CNTN5: variants seen among roughly 807,000 people sequenced by gnomAD.
CNTN5 encodes contactin 5, also known as contactin-5.
In CNTN5, 77 loss-of-function variants were observed where a neutral mutation model predicts 129.1. That is an observed-to-expected ratio of 0.60 (90% confidence interval 0.50 to 0.72). The LOEUF (loss-of-function observed/expected upper bound fraction) is 0.72. Among genes scored for constraint, CNTN5 ranks in the 30% least tolerant of loss-of-function variants. CNTN5 has a pLI of 0.00. For missense variants in CNTN5, 1,478 were observed against 1,328.8 expected (o/e 1.11, Z -1.75); for synonymous variants, 509 against 465.6 (o/e 1.09, Z -1.20).
At chr11:100,309,118 T>C (rs1185834183) in intron 21 of CNTN5, 1 of 984,998 alleles carries the variant, frequency 1.0e-6, no homozygotes, top group Admixed American at 6.2e-5. Flanking sequence ...TTCTTGTTCT[T>C]GCCTTGCTTG....
chr11:100,044,167 C>CACGTATATATATAT (rs1942533111), intron 9 of CNTN5, among the ~76,000 whole-genome samples: 1 of 44,282 alleles, frequency 2.3e-5, no homozygotes, highest in East Asian at 6.4e-4. Context: ...TATTACATAT[C>CACGTATATATATAT]ATGTATATAT....
intron 6 of CNTN5, among the ~76,000 whole-genome samples, chr11:99,850,646 G>A (rs1947844588): frequency 1.3e-5 from 2 of 151,812 alleles, no homozygotes; most frequent in Admixed American, 6.6e-5. Context: ...TAAGATATAT[G>A]CTCAAGATAC....
At chr11:99,916,536 A>G (rs1461002130) in intron 7 of CNTN5, among the ~76,000 whole-genome samples, 2 of 152,138 alleles carry the variant, frequency 1.3e-5, no homozygotes, top group African/African-American at 2.4e-5. Flanking sequence ...GATAAACTGG[A>G]TACTTAGTTG....
intron 15 of CNTN5, among the ~76,000 whole-genome samples, chr11:100,196,577 T>A (rs1948644336): frequency 1.3e-5 from 2 of 152,024 alleles, no homozygotes; most frequent in Non-Finnish European, 2.9e-5. Context: ...TGCATAAACA[T>A]ATGATCACAT....
chr11:99,535,298 C>G (rs1214735841), intron 2 of CNTN5, among the ~76,000 whole-genome samples: 1 of 152,058 alleles, frequency 6.6e-6, no homozygotes, highest in South Asian at 2.1e-4. Context: ...TGGACTAATA[C>G]ATGGAAAATT....
chr11:99,712,905 G>A (rs1955054679), intron 3 of CNTN5, among the ~76,000 whole-genome samples: 1 of 152,090 alleles, frequency 6.6e-6, no homozygotes, highest in Non-Finnish European at 1.5e-5. Context: ...TTTGAAGTAA[G>A]GTAGAGTGAT....
intron 2 of CNTN5, among the ~76,000 whole-genome samples, chr11:99,379,973 A>G (rs1940431638): frequency 6.6e-6 from 1 of 152,048 alleles, no homozygotes; most frequent in Non-Finnish European, 1.5e-5. Flanking sequence ...TCATATATAC[A>G]CATATAATGT....
rs556264671 is a variant in CNTN5, at chr11:99,210,377, T to C, written c.-209-114969T>C. Among the ~76,000 whole-genome samples the C allele has an allele frequency of 3.3e-3, 503 of 152,190 alleles. 2 individuals carry two copies. The highest frequency in any genetic ancestry group is 5.4e-3 in the Admixed American group (83 of 15,256). On this transcript the variant is annotated intron_variant, in intron 1 of 24. Coordinates refer to ENST00000524871, the MANE Select transcript of CNTN5 (RefSeq NM_014361.4). ...GAGATATGGAAACTGATTTTAGAGG[T>C]CATTTAGTTGGGGAAAGAAAATGTA...
intron 6 of CNTN5, among the ~76,000 whole-genome samples, chr11:99,853,380 A>G (rs190429278): frequency 4.6e-5 from 7 of 151,122 alleles, no homozygotes; most frequent in Admixed American, 3.3e-4. Flanking sequence ...TGTAATATAT[A>G]TACGTATATA....
chr11:99,315,794 T>C (rs949825147), intron 1 of CNTN5, among the ~76,000 whole-genome samples: 1 of 148,824 alleles, frequency 6.7e-6, no homozygotes, highest in African/African-American at 2.4e-5. Flanking sequence ...TACACAGGGA[T>C]TGAATATATA....
intron 13 of CNTN5, among the ~76,000 whole-genome samples, chr11:100,128,828 A>T (rs183864401): frequency 2.1e-4 from 32 of 152,002 alleles, no homozygotes; most frequent in Admixed American, 1.2e-3. Flanking sequence ...CCCTAAGCCA[A>T]CTTCTACCTG....
chr11:99,766,737 A>AT (rs747060201), intron 3 of CNTN5, among the ~76,000 whole-genome samples: 12 of 152,034 alleles, frequency 7.9e-5, no homozygotes, highest in Non-Finnish European at 1.2e-4. Flanking sequence ...TTTAAAGCAG[A>AT]TTTTTTATGC....
intron 3 of CNTN5, among the ~76,000 whole-genome samples, chr11:99,569,225 A>G (rs2135572016): frequency 6.6e-6 from 1 of 152,276 alleles, no homozygotes; most frequent in African/African-American, 2.4e-5. Context: ...TATCTGTTCT[A>G]TTTGCTGTTT....
chr11:99,700,215 C>G (rs1954458930), intron 3 of CNTN5, among the ~76,000 whole-genome samples: 1 of 151,314 alleles, frequency 6.6e-6, no homozygotes, highest in Middle Eastern at 3.2e-3. Flanking sequence ...TTCTTTGGGA[C>G]TGAATGTTAA....
At chr11:99,785,603 A>T (rs1262966490) in intron 3 of CNTN5, among the ~76,000 whole-genome samples, 3 of 152,136 alleles carry the variant, frequency 2.0e-5, no homozygotes, top group Non-Finnish European at 1.5e-5. Context: ...CAATAAAATC[A>T]CTAGCAAACT....
At chr11:99,864,193 T>C (rs190672868) in intron 6 of CNTN5, among the ~76,000 whole-genome samples, 93 of 152,280 alleles carry the variant, frequency 6.1e-4, no homozygotes, top group African/African-American at 1.9e-3. Flanking sequence ...ACTTATATAC[T>C]TGTTTTTTTG....
chr11:99,433,837 C>T (rs916759457), intron 2 of CNTN5, among the ~76,000 whole-genome samples: 3 of 152,114 alleles, frequency 2.0e-5, no homozygotes, highest in Admixed American at 6.6e-5. Context: ...AAAATTTAAA[C>T]AGTGATTATA....
At chr11:100,201,586 C>T (rs926882133) in intron 15 of CNTN5, among the ~76,000 whole-genome samples, 3 of 151,914 alleles carry the variant, frequency 2.0e-5, no homozygotes, top group Non-Finnish European at 4.4e-5. Context: ...CTGCTGTTCA[C>T]ATCTTGATAA....
At chr11:99,644,720 G>A (rs1243235909) in intron 3 of CNTN5, among the ~76,000 whole-genome samples, 2 of 152,222 alleles carry the variant, frequency 1.3e-5, no homozygotes, top group African/African-American at 4.8e-5. Flanking sequence ...ACTGAGCAAA[G>A]CACTACAAGT....
Sources: allele counts gnomAD v4.1 joint callset (sites outside exome capture counted in the v4.1 genomes callset), GRCh38; gene constraint gnomAD v4.1.1; transcripts MANE v1.5; gene names NCBI Gene and HGNC (gene_info 2026-07-23, HGNC 2026-07-21).